Variants in KDM4C observed in about 807,000 individuals in gnomAD.
KDM4C encodes the protein lysine demethylase 4C.
A neutral mutation model predicts 129.3 loss-of-function variants in KDM4C; 81 were observed. The observed-to-expected ratio is 0.63, with a 90% CI of 0.52 to 0.75. KDM4C has a LOEUF of 0.75. Ranked by LOEUF, KDM4C falls within the 30% of genes least tolerant of loss-of-function variation. The probability of loss-of-function intolerance (pLI) is 0.00; values close to 1 mark genes in which losing one functional copy is unlikely to be tolerated. For synonymous variants in KDM4C, 573 were observed against 456.1 expected (o/e 1.26, Z -3.26); for missense variants, 1,457 against 1,304.0 (o/e 1.12, Z -1.81).
At chr9:6,859,923 T>G (rs564538595) in intron 5 of KDM4C, among the ~76,000 whole-genome samples, 1 of 152,152 alleles carries the variant, frequency 6.6e-6, no homozygotes, top group South Asian at 2.1e-4. Flanking sequence ...ATCTAGTTAT[T>G]AATAAGTCTT....
At chr9:7,144,734 G>T (rs143357341) in intron 19 of KDM4C, among the ~76,000 whole-genome samples, 1 of 152,374 alleles carries the variant, frequency 6.6e-6, no homozygotes, top group Non-Finnish European at 1.5e-5. Flanking sequence ...TGCTCAGTCA[G>T]CTTGGGTGAA....
intron 2 of KDM4C, 135 bp from the exon 3 acceptor site, chr9:6,805,464 C>G (rs1473864605): frequency 2.2e-6 from 1 of 458,750 alleles, no homozygotes; most frequent in Non-Finnish European, 3.6e-6. Flanking sequence ...AAATATTCAT[C>G]TTTTTTTTTT....
At chr9:6,895,159 G>A (rs1011812486) in intron 8 of KDM4C, among the ~76,000 whole-genome samples, 3 of 152,188 alleles carry the variant, frequency 2.0e-5, no homozygotes, top group African/African-American at 7.2e-5. Flanking sequence ...TCTTGCTGCT[G>A]TAGCAAATTA....
intron 18 of KDM4C, among the ~76,000 whole-genome samples, chr9:7,111,704 C>T (rs922503015): frequency 1.3e-5 from 2 of 151,998 alleles, no homozygotes; most frequent in Non-Finnish European, 2.9e-5. Context: ...GTCAGGTTTA[C>T]GGGGGAGTCA....
intron 1 of KDM4C, among the ~76,000 whole-genome samples, chr9:6,724,787 C>G (rs1386126028): frequency 6.6e-6 from 1 of 152,142 alleles, no homozygotes; most frequent in Non-Finnish European, 1.5e-5. Flanking sequence ...CCTCGGCCTC[C>G]CAAAGTGCTG....
intron 1 of KDM4C, among the ~76,000 whole-genome samples, chr9:6,741,890 TTA>T (rs1817710113): frequency 1.0e-5 from 1 of 95,776 alleles, no homozygotes. Context: ...TAAAATGTTG[TTA>T]CACACACACA....
chr9:6,919,198 T>C (rs545189321), intron 8 of KDM4C, among the ~76,000 whole-genome samples: 38 of 146,138 alleles, frequency 2.6e-4, no homozygotes, highest in African/African-American at 9.0e-4. Context: ...TTTAAGTTTC[T>C]TACAGATTCT....
At chr9:6,915,188 A>T (rs190564688) in intron 8 of KDM4C, among the ~76,000 whole-genome samples, 1 of 152,194 alleles carries the variant, frequency 6.6e-6, no homozygotes, top group Non-Finnish European at 1.5e-5. Flanking sequence ...AATGCAGCTC[A>T]CCCTATATTG....
rs543095936 is a variant in KDM4C at position 7,174,415 on chromosome 9, A to T, written c.2995-138A>T. ...GAGAGGCGAGGGAAAGCCCAAAGCCATGCCTGGGGCCCTTTTAGCCTGAGC... is the reference window on the plus strand; with the variant it reads ...GAGAGGCGAGGGAAAGCCCAAAGCCTTGCCTGGGGCCCTTTTAGCCTGAGC... On this transcript the variant is annotated intron_variant, in intron 21 of 21. Coordinates refer to ENST00000381309, the MANE Select transcript of KDM4C (RefSeq NM_015061.6). 6 of 714,336 alleles carry T rather than the reference A, an allele frequency of 8.4e-6. No individual in the cohort carries two copies. In the Admixed American group the frequency reaches 1.6e-4, roughly 19 times the overall value. The allele number at this position is 714,336 out of a possible 1,614,324, so 44.2% of individuals were successfully genotyped here.
intron 3 of KDM4C, among the ~76,000 whole-genome samples, chr9:6,813,593 C>T (rs1831557137): frequency 6.6e-6 from 1 of 152,122 alleles, no homozygotes; most frequent in African/African-American, 2.4e-5. Context: ...ACCTTTTTAA[C>T]TTTGCTTCAT....
intron 15 of KDM4C, among the ~76,000 whole-genome samples, chr9:7,017,482 AAAT>A (rs553906722): frequency 6.6e-6 from 1 of 152,070 alleles, no homozygotes; most frequent in African/African-American, 2.4e-5. Flanking sequence ...GGGCAGAAGA[AAAT>A]AATAATAATA....
In KDM4C at chr9:6,732,290, G is replaced by A. The variant is rs181373419; in HGVS notation, c.49+11293G>A. 5.5e-3 allele frequency among the ~76,000 whole-genome samples: 793 copies of A among 144,998 alleles called. 8 individuals carry two copies. Among genetic ancestry groups the A allele is most frequent in the African/African-American group, 0.019 (751 of 39,092 alleles). On this transcript the variant is annotated intron_variant, in intron 1 of 17. Transcript: ENST00000536108. ...TGAGGCAGGAGAATCGCTGGAACCC[G>A]GGAAGCGGAGGTTGCAGTGAGCTGA...
rs10976082 is a variant in KDM4C at position 7,165,427 on chromosome 9, G to C, written c.2901+70G>C. 11 of 1,529,212 alleles carry C rather than the reference G, an allele frequency of 7.2e-6. No homozygotes were observed. In the East Asian group the frequency reaches 1.4e-4, roughly 19 times the overall value. 94.7% of individuals were successfully genotyped at this position (1,529,212 alleles called of 1,614,324 possible). A position where few individuals can be genotyped will look rare whatever the true frequency, so the allele number is the denominator to read the frequency against. ...AAGTCAGAAGGAGATAGTATCTCAA[G>C]TGTGCTGCTGAACAATAAGCCACAT... On this transcript the variant is annotated intron_variant, in intron 20 of 21. Transcript: ENST00000381309.
At chr9:6,853,303 C>A (rs1839186706) in intron 5 of KDM4C, among the ~76,000 whole-genome samples, 1 of 150,580 alleles carries the variant, frequency 6.6e-6, no homozygotes, top group Non-Finnish European at 1.5e-5. Flanking sequence ...GCCTGGGCAA[C>A]ATGGCAAAAC....
chr9:6,734,948 T>C (rs1817474618), intron 1 of KDM4C: 2 of 572,668 alleles, frequency 3.5e-6, no homozygotes, highest in Non-Finnish European at 7.0e-6. Flanking sequence ...CAGAGGGATC[T>C]ATATGTCTGT....
rs528187046 is a variant in KDM4C, at chr9:6,986,878, C to T, written c.1677+212C>T. ...ATAATTTAGCACATGGAGCTTATGG[C>T]CACGTGTCGATGCTTGATTTTCTTT... is the stretch of plus-strand genomic sequence containing the variant. On this transcript the variant is annotated intron_variant, in intron 11 of 21. Coordinates refer to ENST00000381309, the MANE Select transcript of KDM4C (RefSeq NM_015061.6). The T allele has an allele frequency of 5.8e-5, 27 of 463,914 alleles. 1 individual carries two copies. In the South Asian group the frequency reaches 9.6e-4, roughly 16 times the overall value. The allele number at this position is 463,914 out of a possible 1,614,324, so 28.7% of individuals were successfully genotyped here.
chr9:6,749,483 G>A (rs1314307117), intron 1 of KDM4C, among the ~76,000 whole-genome samples: 1 of 152,038 alleles, frequency 6.6e-6, no homozygotes, highest in Admixed American at 6.6e-5. Flanking sequence ...GCAATATGGT[G>A]AGACCCCATC....
intron 1 of KDM4C, among the ~76,000 whole-genome samples, chr9:6,764,042 A>C (rs1820130827): frequency 6.6e-6 from 1 of 152,218 alleles, no homozygotes; most frequent in Non-Finnish European, 1.5e-5. Flanking sequence ...TACAGGAATG[A>C]GCCACCGCTC....
intron 17 of KDM4C, among the ~76,000 whole-genome samples, chr9:7,078,067 A>C (rs768218571): frequency 7.9e-5 from 12 of 152,244 alleles, no homozygotes; most frequent in African/African-American, 2.9e-4. Flanking sequence ...AATTAAAGAC[A>C]AATTATATCC....
Sources: gnomAD v4.1 joint callset for allele counts (sites outside exome capture counted in the v4.1 genomes callset) on GRCh38, gnomAD v4.1.1 for gene constraint, MANE v1.5 for transcripts, NCBI Gene and HGNC (gene_info 2026-07-23, HGNC 2026-07-21) for gene names.